GPAM: variants seen among roughly 807,000 people sequenced by gnomAD.
GPAM encodes the protein glycerol-3-phosphate acyltransferase, mitochondrial, also known as glycerol-3-phosphate acyltransferase 1, mitochondrial.
In GPAM, 56 loss-of-function variants were observed where a neutral mutation model predicts 105.0. That is an observed-to-expected ratio of 0.53 (90% CI 0.43 to 0.67). The LOEUF is 0.67. Ranked by LOEUF, GPAM falls within the 30% of genes least tolerant of loss-of-function variation. The pLI, the probability that GPAM is intolerant of heterozygous loss-of-function variation, is 0.00. For synonymous variants in GPAM, 368 were observed against 354.4 expected (o/e 1.04, Z -0.43); for missense variants, 855 against 989.8 (o/e 0.86, Z 1.83).
At chr10:112,219,087 A>G (rs574250571), upstream of GPAM, among the ~76,000 whole-genome samples, 1 of 152,140 alleles carries the variant, frequency 6.6e-6, no homozygotes, top group Admixed American at 6.5e-5. Context: ...ACCAGCCCCT[A>G]TTCAAGATGG....
intron 11 of GPAM, among the ~76,000 whole-genome samples, chr10:112,167,224 G>A (rs1017943097): frequency 6.6e-5 from 10 of 152,078 alleles, no homozygotes; most frequent in African/African-American, 1.4e-4. Flanking sequence ...GTCTGGAGCC[G>A]TAAGCTTGAA....
chr10:112,191,201 A>G (rs187552582), intron 1 of GPAM, among the ~76,000 whole-genome samples: 1 of 152,336 alleles, frequency 6.6e-6, no homozygotes, highest in East Asian at 1.9e-4. Flanking sequence ...ACAGCCTAGA[A>G]TGGAAAGTGT....
chr10:112,215,349 A>G (rs1335918543), exon 1 of GPAM: 5 of 152,210 alleles, frequency 3.3e-5, no homozygotes, highest in Non-Finnish European at 5.9e-5. Flanking sequence ...GTAACCTCAG[A>G]AAGAGTCCCC....
chr10:112,192,522 A>G (rs1564687654), intron 1 of GPAM, among the ~76,000 whole-genome samples: 1 of 152,182 alleles, frequency 6.6e-6, no homozygotes, highest in Non-Finnish European at 1.5e-5. Flanking sequence ...GGGTGTGAGC[A>G]GGGCCTGGCC....
chr10:112,153,454 G>A lies in GPAM; in HGVS notation c.*96C>T. On this transcript the variant is annotated 3_prime_UTR_variant, in exon 22 of 22. Coordinates refer to ENST00000348367, the MANE Select transcript of GPAM (RefSeq NM_001244949.2). Reference sequence around the variant, plus strand: ...GATCACTTCGGGACAGGGCAGGCCTGACCCTGCGATGGCACCTTCAACTCT... The same window carrying A: ...GATCACTTCGGGACAGGGCAGGCCTAACCCTGCGATGGCACCTTCAACTCT... 1.2e-6 allele frequency: 2 copies of A among 1,603,510 alleles called. No homozygotes were observed. Among genetic ancestry groups the A allele is most frequent in the Non-Finnish European group, 1.7e-6 (2 of 1,176,866 alleles).
At chr10:112,187,866 G>A (rs140794418), upstream of GPAM, among the ~76,000 whole-genome samples, 24 of 152,072 alleles carry the variant, frequency 1.6e-4, no homozygotes, top group South Asian at 8.3e-4. Context: ...CTCTGAGCAC[G>A]GTAGAAATTA....
At chr10:112,171,263 C>A (rs567629014) in intron 9 of GPAM, among the ~76,000 whole-genome samples, 1 of 152,292 alleles carries the variant, frequency 6.6e-6, no homozygotes, top group South Asian at 2.1e-4. Context: ...TCCTCTCCCC[C>A]TCTATTGAGC....
At chr10:112,189,207 C>T (rs1847627830) in intron 1 of GPAM, among the ~76,000 whole-genome samples, 1 of 152,108 alleles carries the variant, frequency 6.6e-6, no homozygotes, top group Admixed American at 6.5e-5. Context: ...ATGAATTATT[C>T]TTACTGGATT....
intron 21 of GPAM, chr10:112,153,890 T>TG: frequency 4.2e-6 from 2 of 474,742 alleles, no homozygotes; most frequent in South Asian, 4.4e-5. Context: ...TTTGTTTTGA[T>TG]GGAGTTCAAC....
Position 112,151,755 on chromosome 10 carries a change from C to G in GPAM, c.*1795G>C, listed in dbSNP as rs745828129. 2.0e-6 allele frequency: 2 copies of G among 985,006 alleles called. No homozygotes were observed. Among genetic ancestry groups the G allele is most frequent in the Non-Finnish European group, 2.4e-6 (2 of 829,746 alleles). 61.0% of individuals were successfully genotyped at this position (985,006 alleles called of 1,614,324 possible). On this transcript the variant is annotated 3_prime_UTR_variant, in exon 22 of 22. Transcript: ENST00000348367. ...CAATTTAAAGGATGAAAAAAAGAGA[C>G]TAGTGAAATGTTTGCTTCCCCAGAT...
rs144983054 is a variant in GPAM at position 112,168,368 on chromosome 10, G to A, written c.1051C>T (p.Pro351Ser). The A allele has an allele frequency of 1.4e-5, 22 of 1,610,216 alleles. No homozygotes were observed. The African/African-American group carries it at 2.7e-4, about 20-fold the overall frequency. ...TNVIPDILII[P>S]VGISYDRIIE... ...ATGCGATCATAGGAGATTCCAACAG[G>A]TATTATCAAGATGTCTGGGATGACA... is the stretch of plus-strand genomic sequence containing the variant. Residue 351 changes from proline to serine, a missense_variant, in exon 11 of 22, where the codon CCT becomes TCT. By Grantham distance (74) the Pro-to-Ser change is moderately conservative (BLOSUM62 -1). Transcript: ENST00000348367.
In GPAM at chr10:112,166,442, C is replaced by A. The variant is rs1262152770; in HGVS notation, c.1181G>T (p.Gly394Val). 6.2e-7 allele frequency: 1 copy of A among 1,610,502 alleles called. No homozygotes were observed. The highest frequency in any genetic ancestry group is 2.2e-5 in the East Asian group (1 of 44,866). Residue 394 changes from glycine (G) to valine (V), a missense_variant, in exon 12 of 22, where the codon GGT (glycine) becomes GTT (valine). Coordinates refer to ENST00000348367, the MANE Select transcript of GPAM (RefSeq NM_001244949.2). ...GVIRMLRKNY[G>V]CVRVDFAQPF... ...CTGTGCAAAATCCACTCGGACACAA[C>A]CATAGTTTTTTCGTAACATTCTAAT...
intron 10 of GPAM, 109 bp downstream of exon 10, chr10:112,168,744 C>T: frequency 1.2e-6 from 1 of 809,642 alleles, no homozygotes; most frequent in Middle Eastern, 2.2e-4. Context: ...ATAATCACTC[C>T]AGTTACTCAA....
intron 1 of GPAM, among the ~76,000 whole-genome samples, chr10:112,192,038 G>A (rs148894730): frequency 6.6e-6 from 1 of 152,272 alleles, no homozygotes; most frequent in East Asian, 1.9e-4. Flanking sequence ...TGAGGAAGGG[G>A]ACCAGCCTGA....
upstream of GPAM, among the ~76,000 whole-genome samples, chr10:112,187,851 A>G: frequency 6.6e-6 from 1 of 152,208 alleles, no homozygotes; most frequent in East Asian, 1.9e-4. Context: ...ATCATAAAAC[A>G]TATACTCTGA....
chr10:112,151,103 G>A lies in GPAM; in HGVS notation c.*2447C>T. On this transcript the variant is annotated 3_prime_UTR_variant, in exon 22 of 22. Coordinates refer to ENST00000348367, the MANE Select transcript of GPAM (RefSeq NM_001244949.2). Reference sequence around the variant, plus strand: ...CAAAAACAGACTGCAGTTTCATGTTGTTTAATATTGTTTTTTTTTTTTAAC... The same window carrying A: ...CAAAAACAGACTGCAGTTTCATGTTATTTAATATTGTTTTTTTTTTTTAAC... The A allele has an allele frequency of 1.0e-6, 1 of 977,100 alleles. No homozygotes were observed. The highest frequency in any genetic ancestry group is 1.2e-6 in the Non-Finnish European group (1 of 823,538). 60.5% of individuals were successfully genotyped at this position (977,100 alleles called of 1,614,324 possible).
chr10:112,180,672 T>A, intron 3 of GPAM, 77 bp from the exon 4 acceptor site: 1 of 1,313,968 alleles, frequency 7.6e-7, no homozygotes, highest in Non-Finnish European at 1.1e-6. Context: ...AAATCTAAAG[T>A]ATTTTGAACA....
chr10:112,172,078 T>C (rs1206757069), intron 9 of GPAM, 104 bp downstream of exon 9: 14 of 866,320 alleles, frequency 1.6e-5, no homozygotes, highest in Non-Finnish European at 2.6e-5. Context: ...GAAAAAAGGC[T>C]AATGTCATCT....
intron 1 of GPAM, among the ~76,000 whole-genome samples, 159 bp from the exon 2 acceptor site, chr10:112,183,050 G>A (rs995614166): frequency 5.3e-5 from 8 of 152,256 alleles, no homozygotes; most frequent in Non-Finnish European, 8.8e-5. Flanking sequence ...AGCAGCATGC[G>A]CTGAGAGAAG....
Sources: gnomAD v4.1 joint callset for allele counts (sites outside exome capture counted in the v4.1 genomes callset) on GRCh38, gnomAD v4.1.1 for gene constraint, MANE v1.5 for transcripts, NCBI Gene and HGNC (gene_info 2026-07-23, HGNC 2026-07-21) for gene names.